Variants in EHHADH observed in about 807,000 individuals in gnomAD.
EHHADH encodes the protein peroxisomal bifunctional enzyme.
In EHHADH, 48 loss-of-function variants were observed where a neutral mutation model predicts 64.4. The ratio of observed to expected loss-of-function variants is 0.75; its 90% CI spans 0.59 to 0.95. EHHADH has a LOEUF of 0.95. Ranked by LOEUF, EHHADH falls within the 40% of genes least tolerant of loss-of-function variation. The probability of loss-of-function intolerance (pLI) is 0.00; values close to 1 mark genes in which losing one functional copy is unlikely to be tolerated. For synonymous variants in EHHADH, 308 were observed against 326.7 expected, an observed-to-expected ratio of 0.94 and a Z score of 0.62; for missense variants, 854 against 876.6, an observed-to-expected ratio of 0.97 and a Z score of 0.33.
At chr3:185,226,664 A>AAAAAG (rs1718985752) in intron 4 of EHHADH, among the ~76,000 whole-genome samples, 1 of 135,806 alleles carries the variant, frequency 7.4e-6, no homozygotes, top group South Asian at 2.4e-4. Flanking sequence ...AAAAAAAAAA[A>AAAAAG]AAAGAAAGAA....
intron 4 of EHHADH, among the ~76,000 whole-genome samples, chr3:185,226,268 T>C (rs887649609): frequency 2.6e-5 from 4 of 152,206 alleles, no homozygotes; most frequent in Non-Finnish European, 5.9e-5. Flanking sequence ...CAGGAAGCTC[T>C]ATGGAGAGGT....
rs1246581312 is a variant in EHHADH at position 185,192,897 on chromosome 3, T to C, written c.1501A>G (p.Lys501Glu). ...QAYFLLEEGS[K>E]PEEVDQVLEE... is the part of the protein sequence containing the mutation. The stretch of plus-strand genomic sequence containing the variant: ...AGCACCTGATCTACCTCCTCTGGTT[T>C]GCTGCCTTCTTCTAACAAGAAATAT... The change falls in exon 7 of 7, where the codon AAA becomes GAA. Residue 501 changes from lysine to glutamate, a missense_variant. Coordinates refer to ENST00000231887, the MANE Select transcript of EHHADH (RefSeq NM_001966.4). 6.2e-7 allele frequency: 1 copy of C among 1,614,210 alleles called. No homozygotes were observed. Among genetic ancestry groups the C allele is most frequent in the East Asian group, 2.2e-5 (1 of 44,884 alleles).
chr3:185,208,318 C>T (rs1353939789), intron 5 of EHHADH, among the ~76,000 whole-genome samples: 1 of 152,206 alleles, frequency 6.6e-6, no homozygotes, highest in African/African-American at 2.4e-5. Flanking sequence ...CCCCTGACCC[C>T]TAATCAACCT....
intron 4 of EHHADH, among the ~76,000 whole-genome samples, chr3:185,223,598 A>G (rs1335286705): frequency 6.6e-6 from 1 of 152,332 alleles, no homozygotes; most frequent in East Asian, 1.9e-4. Context: ...TAAAAAATGT[A>G]TAGCGAAAAC....
At chr3:185,238,928 A>G (rs991693761) in intron 2 of EHHADH, among the ~76,000 whole-genome samples, 1 of 152,114 alleles carries the variant, frequency 6.6e-6, no homozygotes, top group Non-Finnish European at 1.5e-5. Flanking sequence ...GATCTTACAC[A>G]TAAGTCTTTA....
At chr3:185,200,779 G>A (rs1718200506) in intron 6 of EHHADH, among the ~76,000 whole-genome samples, 1 of 152,146 alleles carries the variant, frequency 6.6e-6, no homozygotes, top group African/African-American at 2.4e-5. Flanking sequence ...GGGAGCCTGG[G>A]TGTGGTGTGA....
intron 5 of EHHADH, among the ~76,000 whole-genome samples, chr3:185,207,648 T>G (rs1358032983): frequency 2.0e-5 from 3 of 152,140 alleles, no homozygotes; most frequent in Admixed American, 6.5e-5. Context: ...AGGAAACAGT[T>G]TCTCCCCTAG....
chr3:185,252,007 A>G (rs938228290), intron 1 of EHHADH, among the ~76,000 whole-genome samples: 39 of 152,196 alleles, frequency 2.6e-4, no homozygotes, highest in African/African-American at 8.7e-4. Context: ...TCACAACTTT[A>G]TGAGGTAGGC....
chr3:185,237,567 A>G (rs1438880378), intron 2 of EHHADH, among the ~76,000 whole-genome samples: 1 of 152,192 alleles, frequency 6.6e-6, no homozygotes, highest in African/African-American at 2.4e-5. Context: ...TTTCTTCTTA[A>G]TGCACGTCAA....
At chr3:185,193,600 C>T in intron 6 of EHHADH, 113 bp from the exon 7 acceptor site, 1 of 1,210,254 alleles carries the variant, frequency 8.3e-7, no homozygotes, top group Non-Finnish European at 1.1e-6. Flanking sequence ...GAGATTGAGT[C>T]AAGAAACACA....
intron 3 of EHHADH, among the ~76,000 whole-genome samples, chr3:185,234,005 T>C (rs1292657066): frequency 6.6e-6 from 1 of 152,134 alleles, no homozygotes; most frequent in Admixed American, 6.5e-5. Context: ...AAAAATTACA[T>C]ACAAAAAAAG....
intron 1 of EHHADH, among the ~76,000 whole-genome samples, chr3:185,251,029 C>T (rs1434137195): frequency 2.6e-5 from 4 of 152,092 alleles, no homozygotes; most frequent in Admixed American, 6.5e-5. Context: ...ATAACAGATA[C>T]GCACTTTACT....
intron 5 of EHHADH, among the ~76,000 whole-genome samples, chr3:185,213,982 T>G (rs1718619132): frequency 2.0e-5 from 3 of 148,724 alleles, no homozygotes; most frequent in Admixed American, 6.7e-5. Flanking sequence ...GAAAGGCAAA[T>G]AAATAGGCCT....
At chr3:185,240,062 A>T (rs1190948000) in intron 2 of EHHADH, among the ~76,000 whole-genome samples, 1 of 152,010 alleles carries the variant, frequency 6.6e-6, no homozygotes, top group African/African-American at 2.4e-5. Flanking sequence ...AATTCTGTTT[A>T]TCTGGTGAAT....
chr3:185,213,119 CAAAAAA>C (rs550233979), intron 5 of EHHADH, among the ~76,000 whole-genome samples: 1,006 of 43,026 alleles, frequency 0.023, 10 homozygotes, highest in South Asian at 0.06. Flanking sequence ...GACTCTGTCT[CAAAAAA>C]AAAAAAAAAA....
chr3:185,223,825 A>G (rs1160816705), intron 4 of EHHADH, among the ~76,000 whole-genome samples: 1 of 152,250 alleles, frequency 6.6e-6, no homozygotes, highest in Non-Finnish European at 1.5e-5. Flanking sequence ...CAAAGGGGAC[A>G]GCACCTAGAA....
intron 3 of EHHADH, among the ~76,000 whole-genome samples, chr3:185,233,747 G>A (rs1719203484): frequency 6.6e-6 from 1 of 152,206 alleles, no homozygotes; most frequent in South Asian, 2.1e-4. Flanking sequence ...CCAGGTTCAA[G>A]TGATTCTCCT....
chr3:185,237,931 G>C (rs967294128), intron 2 of EHHADH, among the ~76,000 whole-genome samples: 1 of 152,034 alleles, frequency 6.6e-6, no homozygotes, highest in Non-Finnish European at 1.5e-5. Flanking sequence ...AGGTCCCTAT[G>C]TCTATTACTT....
At chr3:185,232,200 G>A (rs980975975) in intron 3 of EHHADH, among the ~76,000 whole-genome samples, 4 of 152,078 alleles carry the variant, frequency 2.6e-5, no homozygotes, top group African/African-American at 9.7e-5. Context: ...TGTCTTACAT[G>A]AGGTTTTCCT....
Sources: gnomAD v4.1 joint callset for allele counts (sites outside exome capture counted in the v4.1 genomes callset) on GRCh38, gnomAD v4.1.1 for gene constraint, MANE v1.5 for transcripts, NCBI Gene and HGNC (gene_info 2026-07-23, HGNC 2026-07-21) for gene names.